Variants in OGG1 observed in about 807,000 individuals in gnomAD.
OGG1 encodes the protein N-glycosylase/DNA lyase.
A neutral mutation model predicts 42.3 loss-of-function variants in OGG1; 35 were observed. The observed-to-expected ratio is 0.83, with a 90% CI of 0.63 to 1.10. OGG1 has a LOEUF of 1.10. OGG1 is among the 50% of genes least tolerant of loss of function. The pLI, the probability that OGG1 is intolerant of heterozygous loss-of-function variation, is 0.00. For missense variants in OGG1, 484 were observed against 446.7 expected (o/e 1.08, Z -0.75); for synonymous variants, 189 against 179.0 (o/e 1.06, Z -0.44).
intron 7 of OGG1, chr3:9,763,088 T>C: frequency 1.2e-6 from 2 of 1,613,766 alleles, no homozygotes; most frequent in Non-Finnish European, 1.7e-6. Flanking sequence ...GCAAAGAGGG[T>C]TGGGACAGCT....
At chr3:9,765,633 C>G in intron 7 of OGG1, 1 of 1,139,844 alleles carries the variant, frequency 8.8e-7, no homozygotes, top group Non-Finnish European at 1.2e-6. Flanking sequence ...ATTGTGATCC[C>G]CATTTTATAA....
chr3:9,769,053 G>A (rs576638135), downstream of OGG1, among the ~76,000 whole-genome samples: 4 of 151,810 alleles, frequency 2.6e-5, no homozygotes, highest in Admixed American at 1.3e-4. Context: ...GATCCAGTAC[G>A]CCTTGTATCC....
At chr3:9,754,227 C>A (rs2077436372) in intron 3 of OGG1, among the ~76,000 whole-genome samples, 1 of 152,242 alleles carries the variant, frequency 6.6e-6, no homozygotes, top group South Asian at 2.1e-4. Flanking sequence ...AAGTTAACCT[C>A]TTCTAAGCCC....
At chr3:9,771,908 C>A (rs1263133356) in intron 2 of OGG1, among the ~76,000 whole-genome samples, 1 of 148,546 alleles carries the variant, frequency 6.7e-6, no homozygotes, top group Non-Finnish European at 1.5e-5. Flanking sequence ...CCTCCGCCTC[C>A]TGGGTTCAAG....
downstream of OGG1, chr3:9,757,869 G>A (rs757934285): frequency 9.4e-6 from 15 of 1,587,396 alleles, no homozygotes; most frequent in Admixed American, 5.1e-5. The surrounding 1 kb of genome is among the most constrained non-coding windows in gnomAD (Gnocchi z 4.5). Context: ...GCATTGAAGG[G>A]AGAGGGGAGA....
downstream of OGG1, chr3:9,757,589 A>G: frequency 2.5e-6 from 4 of 1,614,160 alleles, no homozygotes; most frequent in South Asian, 1.1e-5. This position sits in a 1 kb window ranked among gnomAD's most constrained non-coding sequence, Gnocchi z 4.5. Context: ...GGCTCCACGC[A>G]GCAGTCTCGA....
intron 2 of OGG1, among the ~76,000 whole-genome samples, chr3:9,776,614 C>A (rs1485218193): frequency 6.6e-6 from 1 of 152,148 alleles, no homozygotes. Flanking sequence ...TAGTCTCGAT[C>A]TCCTGACCTC....
At chr3:9,762,267 C>G (rs991137490), downstream of OGG1, 1 of 153,702 alleles carries the variant, frequency 6.5e-6, no homozygotes, top group African/African-American at 2.4e-5. Flanking sequence ...TCGCTATTTC[C>G]GAGGAGTAGG....
intron 1 of OGG1, 80 bp downstream of exon 1, chr3:9,750,503 G>C: frequency 3.8e-6 from 6 of 1,587,492 alleles, no homozygotes; most frequent in Non-Finnish European, 5.1e-6. Context: ...GGGTACAAAG[G>C]AATTTGGGGG....
At chr3:9,757,894 G>C (rs1356388168), downstream of OGG1, 1 of 1,561,824 alleles carries the variant, frequency 6.4e-7, no homozygotes, top group Non-Finnish European at 8.7e-7. This position sits in a 1 kb window ranked among gnomAD's most constrained non-coding sequence, Gnocchi z 4.5. Context: ...ACTTTTGAGA[G>C]AGTCAAGTCA....
intron 3 of OGG1, chr3:9,783,784 A>T (rs1272085096): frequency 3.0e-6 from 2 of 665,872 alleles, no homozygotes; most frequent in Non-Finnish European, 4.5e-6. Context: ...TCTCAAAAAA[A>T]AACAAAACAA....
rs1183974341 is a variant in OGG1 at position 9,787,214 on chromosome 3, C to T, written c.383-514C>T. 3.7e-5 allele frequency: 60 copies of T among 1,614,044 alleles called. No individual in the cohort carries two copies. Among genetic ancestry groups the T allele is most frequent in the Non-Finnish European group, 4.6e-5 (54 of 1,180,046 alleles). On this transcript the variant is annotated intron_variant, in intron 3 of 3. Coordinates refer to the OGG1 transcript ENST00000426518. The stretch of plus-strand genomic sequence containing the variant: ...AGAGGCCTACCTTTAGTGTCCAGTT[C>T]GGTCAGTGGCCCCATGAGGCCTTTC...
intron 3 of OGG1, among the ~76,000 whole-genome samples, chr3:9,753,663 AAAAAG>A (rs1309105467): frequency 1.3e-5 from 2 of 152,042 alleles, no homozygotes; most frequent in Non-Finnish European, 2.9e-5. Context: ...CAACAAAAAA[AAAAAG>A]AAACCTGTTC....
At chr3:9,786,500 G>C (rs904874549) in intron 3 of OGG1, among the ~76,000 whole-genome samples, 2 of 151,962 alleles carry the variant, frequency 1.3e-5, no homozygotes, top group African/African-American at 4.8e-5. Context: ...CAGGTATAAA[G>C]ACAGGGCCCC....
At chr3:9,756,847 T>C in intron 6 of OGG1, 31 bp downstream of exon 6, 1 of 1,613,088 alleles carries the variant, frequency 6.2e-7, no homozygotes, top group Non-Finnish European at 8.5e-7. Flanking sequence ...TCCCTAGGTT[T>C]CCTCTCCTCC....
At chr3:9,774,868 C>G (rs556564431) in intron 2 of OGG1, among the ~76,000 whole-genome samples, 2 of 152,234 alleles carry the variant, frequency 1.3e-5, no homozygotes, top group South Asian at 4.1e-4. Flanking sequence ...ATGTCGAGGC[C>G]TTTTGATTCA....
intron 2 of OGG1, among the ~76,000 whole-genome samples, chr3:9,773,438 G>A (rs1220436751): frequency 6.6e-6 from 1 of 151,848 alleles, no homozygotes; most frequent in Non-Finnish European, 1.5e-5. Context: ...CTAATCAGGA[G>A]GCTGAGGCAG....
At position 9,757,017 on chromosome 3, in the gene OGG1, C is replaced by G; in HGVS notation, c.949-44C>G. 1.2e-6 allele frequency: 2 copies of G among 1,613,698 alleles called. No homozygotes were observed. The highest frequency in any genetic ancestry group is 1.7e-6 in the Non-Finnish European group (2 of 1,180,032). ...CTGTCACTAGTCTCACCAGCCCTGA[C>G]CCCAGTGTACCCTCCTCCCCACACA... On this transcript the variant is annotated intron_variant, in intron 6 of 6. Transcript: ENST00000344629. This position sits in a 1 kb window ranked among gnomAD's most constrained non-coding sequence, Gnocchi z 4.5.
At chr3:9,765,267 C>T (rs1463205763) in intron 7 of OGG1, among the ~76,000 whole-genome samples, 3 of 151,680 alleles carry the variant, frequency 2.0e-5, no homozygotes, top group Non-Finnish European at 4.4e-5. Context: ...TGGTTGGAAG[C>T]TCAGGGGAGA....
Sources: allele counts gnomAD v4.1 joint callset (sites outside exome capture counted in the v4.1 genomes callset), GRCh38; gene constraint gnomAD v4.1.1; non-coding constraint Gnocchi (gnomAD v3.1); transcripts MANE v1.5; gene names NCBI Gene and HGNC (gene_info 2026-07-23, HGNC 2026-07-21).